The following PPP2R2C variants were observed in gnomAD, a reference collection of about 807,000 sequenced individuals.
PPP2R2C encodes the protein protein phosphatase 2 regulatory subunit Bgamma, also known as protein phosphatase 2, regulatory subunit B, gamma.
In PPP2R2C, 10 loss-of-function variants were observed where a neutral mutation model predicts 45.3. The ratio of observed to expected loss-of-function variants is 0.22; its 90% confidence interval spans 0.14 to 0.37. PPP2R2C has a LOEUF of 0.37. Among genes scored for constraint, PPP2R2C ranks in the 10% least tolerant of loss-of-function variants. The probability of loss-of-function intolerance (pLI) is 1.00; values close to 1 mark genes in which losing one functional copy is unlikely to be tolerated. For missense variants in PPP2R2C, 308 were observed against 619.7 expected, an observed-to-expected ratio of 0.50 and a Z score of 5.34; for synonymous variants, 257 against 245.4, an observed-to-expected ratio of 1.05 and a Z score of -0.44.
chr4:6,519,662 A>G (rs1334625816), intron 2 of PPP2R2C, among the ~76,000 whole-genome samples: 2 of 152,226 alleles, frequency 1.3e-5, no homozygotes, highest in Non-Finnish European at 2.9e-5. Flanking sequence ...GCACTTAATG[A>G]TATTCATTAA....
intron 5 of PPP2R2C, among the ~76,000 whole-genome samples, chr4:6,366,867 GCT>G (rs1212725260): frequency 1.3e-5 from 2 of 152,172 alleles, no homozygotes; most frequent in Non-Finnish European, 2.9e-5. Context: ...AGGGGCTCAG[GCT>G]TCCTCCAGAA....
chr4:6,499,995 C>G (rs1722996229), intron 2 of PPP2R2C, among the ~76,000 whole-genome samples: 1 of 152,204 alleles, frequency 6.6e-6, no homozygotes, highest in South Asian at 2.1e-4. Context: ...CCATGTATTT[C>G]TGCCTGCTCC....
intron 1 of PPP2R2C, among the ~76,000 whole-genome samples, chr4:6,462,106 G>C (rs1721357798): frequency 6.6e-6 from 1 of 152,248 alleles, no homozygotes; most frequent in Non-Finnish European, 1.5e-5. Flanking sequence ...AGGGGTCCTG[G>C]AGGAGAGAGG....
chr4:6,511,627 G>T (rs1390633064), intron 2 of PPP2R2C, among the ~76,000 whole-genome samples: 2 of 73,472 alleles, frequency 2.7e-5, no homozygotes, highest in Admixed American at 1.4e-4. Context: ...GATGGTGGTG[G>T]TGGTGGTGGT....
At chr4:6,390,746 C>T (rs1458529950) in intron 1 of PPP2R2C, among the ~76,000 whole-genome samples, 2 of 152,182 alleles carry the variant, frequency 1.3e-5, no homozygotes, top group Admixed American at 6.5e-5. Flanking sequence ...GCAGGGCCAC[C>T]GGGGTCACAG....
intron 2 of PPP2R2C, among the ~76,000 whole-genome samples, chr4:6,512,829 A>C (rs1400289855): frequency 2.6e-5 from 4 of 151,934 alleles, no homozygotes; most frequent in Non-Finnish European, 5.9e-5. Flanking sequence ...CTTTTATGAT[A>C]AGGGCCCAAT....
intron 1 of PPP2R2C, among the ~76,000 whole-genome samples, chr4:6,463,494 T>C (rs2108760390): frequency 6.6e-6 from 1 of 152,360 alleles, no homozygotes; most frequent in South Asian, 2.1e-4. Flanking sequence ...TCTGCCTCAA[T>C]GGGACATTCA....
At chr4:6,446,936 G>C (rs1331955224) in intron 1 of PPP2R2C, among the ~76,000 whole-genome samples, 10 of 151,884 alleles carry the variant, frequency 6.6e-5, no homozygotes, top group Non-Finnish European at 1.5e-4. Context: ...TGTGAGCACT[G>C]CAACAGAGGC....
chr4:6,535,212 C>T, intron 2 of PPP2R2C: 1 of 1,517,118 alleles, frequency 6.6e-7, no homozygotes, highest in South Asian at 1.2e-5. Context: ...CTGTGACCCA[C>T]AGCCCACGTC....
rs574841193 is a variant in PPP2R2C, at chr4:6,489,670, C to T, written c.49+45601G>A. On this transcript the variant is annotated intron_variant, in intron 2 of 9. Transcript: ENST00000506140. ...GAATTGAAGGCACTGATATACCTAG[C>T]GCCTGGCACATCATGGGTGCTCAGG... 7.9e-5 allele frequency among the ~76,000 whole-genome samples: 12 copies of T among 152,254 alleles called. No individual in the cohort carries two copies. In the East Asian group the frequency reaches 1.9e-3, roughly 24 times the overall value.
chr4:6,334,098 C>T (rs1354356689), intron 6 of PPP2R2C, among the ~76,000 whole-genome samples: 1 of 152,180 alleles, frequency 6.6e-6, no homozygotes, highest in Non-Finnish European at 1.5e-5. Flanking sequence ...CAAAGGTGTC[C>T]TGACATTCTC....
chr4:6,486,935 T>C (rs1722547901), intron 2 of PPP2R2C, among the ~76,000 whole-genome samples: 2 of 152,058 alleles, frequency 1.3e-5, no homozygotes, highest in African/African-American at 4.8e-5. Flanking sequence ...TCCTTTTCTG[T>C]CTTCTTTGGG....
At chr4:6,388,160 C>T (rs1460993007) in intron 1 of PPP2R2C, among the ~76,000 whole-genome samples, 1 of 152,176 alleles carries the variant, frequency 6.6e-6, no homozygotes, top group Non-Finnish European at 1.5e-5. Flanking sequence ...TGCCTCCTCC[C>T]TTCCTGGGCA....
intron 5 of PPP2R2C, among the ~76,000 whole-genome samples, chr4:6,363,545 C>T (rs1247234142): frequency 6.6e-6 from 1 of 151,704 alleles, no homozygotes; most frequent in African/African-American, 2.4e-5. Flanking sequence ...AGCCACTGCA[C>T]TTCAGCCTGG....
At chr4:6,509,188 G>T (rs182811282) in intron 2 of PPP2R2C, among the ~76,000 whole-genome samples, 1 of 152,326 alleles carries the variant, frequency 6.6e-6, no homozygotes, top group African/African-American at 2.4e-5. Flanking sequence ...AACTGTACAT[G>T]AAGCTGGATT....
intron 5 of PPP2R2C, chr4:6,348,671 G>T (rs1712237609): frequency 3.3e-5 from 33 of 985,256 alleles, no homozygotes; most frequent in Non-Finnish European, 4.0e-5. Flanking sequence ...GATGCAGCTT[G>T]GTCACCCCTG....
intron 1 of PPP2R2C, among the ~76,000 whole-genome samples, chr4:6,413,373 A>C (rs1718316491): frequency 6.6e-6 from 1 of 152,272 alleles, no homozygotes; most frequent in Non-Finnish European, 1.5e-5. Flanking sequence ...CACACAGCCC[A>C]TAAGCAGAGG....
chr4:6,360,181 C>T (rs1713600516), intron 5 of PPP2R2C, among the ~76,000 whole-genome samples: 1 of 152,214 alleles, frequency 6.6e-6, no homozygotes. Flanking sequence ...CCAGGGTGGG[C>T]AGTGATTTGC....
intron 1 of PPP2R2C, among the ~76,000 whole-genome samples, chr4:6,426,152 C>T (rs35430991): frequency 0.038 from 5,805 of 152,274 alleles, 158 homozygotes; most frequent in East Asian, 0.094. Context: ...CAACTCAGTC[C>T]CTCTGCCCAG....
Sources: allele counts gnomAD v4.1 joint callset (sites outside exome capture counted in the v4.1 genomes callset), GRCh38; gene constraint gnomAD v4.1.1; transcripts MANE v1.5; gene names NCBI Gene and HGNC (gene_info 2026-07-23, HGNC 2026-07-21).